SYT14: variants seen among roughly 807,000 people sequenced by gnomAD.
The protein encoded by SYT14 is synaptotagmin-14.
In SYT14, 32 loss-of-function variants were observed where a neutral mutation model predicts 74.2. That is an observed-to-expected ratio of 0.43 (90% CI 0.33 to 0.58). SYT14 has a LOEUF of 0.58. SYT14 is among the 20% of genes least tolerant of loss of function. The probability of loss-of-function intolerance (pLI) is 0.05; values close to 1 mark genes in which losing one functional copy is unlikely to be tolerated. For missense variants in SYT14, 791 were observed against 981.8 expected (o/e 0.81, Z 2.60); for synonymous variants, 298 against 337.7 (o/e 0.88, Z 1.29).
At chr1:210,109,589 A>AG (rs1553280375) in intron 7 of SYT14, among the ~76,000 whole-genome samples, 12 of 151,178 alleles carry the variant, frequency 7.9e-5, no homozygotes, top group East Asian at 4.0e-4. Flanking sequence ...AAAAAAAAAA[A>AG]AGAGAGAAAA....
chr1:210,022,375 A>T (rs1475344249), intron 5 of SYT14, among the ~76,000 whole-genome samples: 1 of 152,230 alleles, frequency 6.6e-6, no homozygotes, highest in African/African-American at 2.4e-5. Flanking sequence ...GAAGTAAAAA[A>T]TATCTGACAG....
intron 6 of SYT14, among the ~76,000 whole-genome samples, chr1:210,096,902 T>C (rs2081975685): frequency 6.6e-6 from 1 of 152,246 alleles, no homozygotes; most frequent in African/African-American, 2.4e-5. Context: ...ACTATTTATA[T>C]TTAATATCGT....
exon 10 of SYT14, chr1:210,163,798 A>C (rs2083421949): frequency 2.2e-6 from 1 of 453,696 alleles, no homozygotes; most frequent in African/African-American, 2.0e-5. Context: ...AGACAGTACT[A>C]CTGCTTCTTT....
At chr1:210,134,815 A>G (rs1432006678) in intron 7 of SYT14, among the ~76,000 whole-genome samples, 1 of 152,070 alleles carries the variant, frequency 6.6e-6, no homozygotes, top group African/African-American at 2.4e-5. Flanking sequence ...AAAGGTTTGG[A>G]TTTGTAGTTT....
intron 7 of SYT14, among the ~76,000 whole-genome samples, chr1:210,125,149 T>C (rs2082542972): frequency 6.6e-6 from 1 of 152,118 alleles, no homozygotes; most frequent in African/African-American, 2.4e-5. Context: ...TGAGCTTCTA[T>C]TGAACCCATC....
intron 7 of SYT14, among the ~76,000 whole-genome samples, chr1:210,115,292 G>T (rs1251833472): frequency 6.6e-6 from 1 of 151,126 alleles, no homozygotes; most frequent in Non-Finnish European, 1.5e-5. Flanking sequence ...GAGGGTGGAA[G>T]GTTGTCTATA....
At chr1:210,016,567 T>C in exon 4 of SYT14, 1 of 1,231,930 alleles carries the variant, frequency 8.1e-7, no homozygotes, top group Non-Finnish European at 1.0e-6. Context: ...GTAAGAATGA[T>C]TTAAAGGAGG....
intron 5 of SYT14, among the ~76,000 whole-genome samples, chr1:210,074,516 A>G (rs2081453925): frequency 6.6e-6 from 1 of 152,200 alleles, no homozygotes. Flanking sequence ...TAAAATTTAC[A>G]TTGTTTATTA....
intron 9 of SYT14, 52 bp downstream of exon 8, chr1:210,159,529 A>G: frequency 6.6e-7 from 1 of 1,506,562 alleles, no homozygotes; most frequent in Non-Finnish European, 9.0e-7. Context: ...CAAAACCAAA[A>G]TACCCTAAAA....
At chr1:210,135,478 C>G (rs2082765914) in intron 7 of SYT14, among the ~76,000 whole-genome samples, 1 of 152,132 alleles carries the variant, frequency 6.6e-6, no homozygotes, top group Admixed American at 6.6e-5. Context: ...TTAACAAGCC[C>G]ATGTTTTCTT....
chr1:210,029,391 G>A (rs556443439), intron 5 of SYT14, among the ~76,000 whole-genome samples: 20 of 152,054 alleles, frequency 1.3e-4, no homozygotes, highest in East Asian at 1.2e-3. Flanking sequence ...TAAGAGTTTC[G>A]TAGTTTTAAG....
rs1189333439 is a variant in SYT14 at position 210,170,419 on chromosome 1, G to T, written c.*9377G>T. On this transcript the variant is annotated 3_prime_UTR_variant, in exon 10 of 10. Transcript: ENST00000637265. ...TACTATGTATACACCGATTGTCTCGGTGCCTTTTTCCTTTTGTATAATTGT... is the reference window on the plus strand; with the variant it reads ...TACTATGTATACACCGATTGTCTCGTTGCCTTTTTCCTTTTGTATAATTGT... 3 of 151,946 alleles carry T rather than the reference G, an allele frequency of 2.0e-5. No homozygotes were observed. In the East Asian group the frequency reaches 5.8e-4, roughly 29 times the overall value. 9.4% of individuals were successfully genotyped at this position (151,946 alleles called of 1,614,324 possible).
intron 7 of SYT14, among the ~76,000 whole-genome samples, chr1:210,136,946 C>T (rs1286146977): frequency 6.6e-6 from 1 of 152,058 alleles, no homozygotes; most frequent in African/African-American, 2.4e-5. Flanking sequence ...GAATTCTTCA[C>T]TAAAGGAGCA....
intron 7 of SYT14, among the ~76,000 whole-genome samples, chr1:210,155,516 T>C (rs866823658): frequency 2.3e-4 from 35 of 152,232 alleles, no homozygotes; most frequent in Non-Finnish European, 4.0e-4. Flanking sequence ...TCTTCTCATT[T>C]CCTATTACTT....
At position 210,047,440 on chromosome 1, in the gene SYT14, C is replaced by T. The variant is rs150867610; in HGVS notation, c.1312+26186C>T. ...TGAGATGGAGTCTCACACTGTCGGCCGGGCTGGAGTGCAATGGCGCAATCT... is the reference window on the plus strand; with the variant it reads ...TGAGATGGAGTCTCACACTGTCGGCTGGGCTGGAGTGCAATGGCGCAATCT... On this transcript the variant is annotated intron_variant, in intron 5 of 9. Coordinates refer to ENST00000637265, the Ensembl canonical transcript of SYT14. Among the ~76,000 whole-genome samples, 469 of 152,096 alleles carry T rather than the reference C, an allele frequency of 3.1e-3. 3 individuals are homozygous for T. The highest frequency in any genetic ancestry group is 1.0e-2 in the African/African-American group (414 of 41,480).
intron 7 of SYT14, among the ~76,000 whole-genome samples, chr1:210,132,235 A>G (rs890959792): frequency 6.6e-6 from 1 of 151,986 alleles, no homozygotes; most frequent in Non-Finnish European, 1.5e-5. Context: ...TCTGATGGCC[A>G]CCACCAGGCT....
At chr1:210,062,199 GT>G (rs2081218378) in intron 5 of SYT14, among the ~76,000 whole-genome samples, 1 of 151,822 alleles carries the variant, frequency 6.6e-6, no homozygotes, top group Non-Finnish European at 1.5e-5. Flanking sequence ...ATGTAAACAT[GT>G]TCTGAATTTT....
chr1:210,140,397 A>G (rs1182704110), intron 7 of SYT14, among the ~76,000 whole-genome samples: 1 of 152,160 alleles, frequency 6.6e-6, no homozygotes, highest in Non-Finnish European at 1.5e-5. Context: ...AGTTCTTTAC[A>G]TATTCAGGAA....
intron 5 of SYT14, among the ~76,000 whole-genome samples, chr1:210,094,006 C>T (rs1055875778): frequency 4.1e-5 from 6 of 146,398 alleles, no homozygotes; most frequent in East Asian, 2.0e-4. Flanking sequence ...ATGTATACAT[C>T]GGGATTGTTT....
Sources: gnomAD v4.1 joint callset for allele counts (sites outside exome capture counted in the v4.1 genomes callset) on GRCh38, gnomAD v4.1.1 for gene constraint, MANE v1.5 for transcripts, NCBI Gene and HGNC (gene_info 2026-07-23, HGNC 2026-07-21) for gene names.